MSN: variants seen among roughly 807,000 people sequenced by gnomAD.
MSN encodes moesin.
MSN carries 2 observed loss-of-function variants against 48.0 expected under a neutral mutation model. That is an observed-to-expected ratio of 0.04 (90% CI 0.02 to 0.13). The LOEUF is 0.13. Among genes scored for constraint, MSN ranks in the 10% least tolerant of loss-of-function variants. MSN has a pLI of 1.00. For missense variants in MSN, 267 were observed against 470.1 expected, an observed-to-expected ratio of 0.57 and a Z score of 3.99; for synonymous variants, 146 against 166.9, an observed-to-expected ratio of 0.87 and a Z score of 0.97.
intron 2 of MSN, 127 bp downstream of exon 2, chrX:65,717,028 G>T: frequency 1.7e-6 from 1 of 602,019 alleles, no homozygotes; most frequent in Middle Eastern, 3.3e-4. Context: ...AGATCAAAAT[G>T]AAGGCTGATT....
chrX:65,695,222 C>T (rs555002250), intron 1 of MSN, among the ~76,000 whole-genome samples: 9 of 110,347 alleles, frequency 8.2e-5, no homozygotes, highest in South Asian at 3.9e-4. Flanking sequence ...GTTGTCGGGC[C>T]GGGCGTGTTG....
chrX:65,736,942 C>T lies in MSN; in HGVS notation c.1090+17C>T. 8.3e-7 allele frequency: 1 copy of T among 1,208,006 alleles called. No individual in the cohort carries two copies. The highest frequency in any genetic ancestry group is 1.1e-6 in the Non-Finnish European group (1 of 893,959). On this transcript the variant is annotated intron_variant, in intron 9 of 12. Coordinates refer to ENST00000360270, the MANE Select transcript of MSN (RefSeq NM_002444.3). ...CTCAGCAAGGTGAGGCTTGGAGTCACCTTGGAGATTGGATTTTTCCAGGCC... is the reference window on the plus strand; with the variant it reads ...CTCAGCAAGGTGAGGCTTGGAGTCATCTTGGAGATTGGATTTTTCCAGGCC...
At chrX:65,602,937 GA>G (rs1261413048) in intron 1 of MSN, among the ~76,000 whole-genome samples, 1 of 111,040 alleles carries the variant, frequency 9.0e-6, no homozygotes, top group Non-Finnish European at 1.9e-5. Context: ...AGACCATATA[GA>G]GGAGTCTGAT....
At chrX:65,619,319 A>T (rs2070410087) in intron 1 of MSN, among the ~76,000 whole-genome samples, 1 of 100,779 alleles carries the variant, frequency 9.9e-6, no homozygotes, top group Non-Finnish European at 1.9e-5. Flanking sequence ...ACTTGATTCC[A>T]TTCTCCACAT....
At chrX:65,724,101 A>G (rs1431794226) in intron 2 of MSN, among the ~76,000 whole-genome samples, 1 of 104,378 alleles carries the variant, frequency 9.6e-6, no homozygotes, top group Non-Finnish European at 2.0e-5. Flanking sequence ...GTTACTCTGG[A>G]TCTCAGAACT....
chrX:65,613,697 C>G (rs932585634), intron 1 of MSN, among the ~76,000 whole-genome samples: 1 of 112,079 alleles, frequency 8.9e-6, no homozygotes, highest in Non-Finnish European at 1.9e-5. Context: ...TTCATGTCCT[C>G]TGCTCACTTT....
chrX:65,617,881 C>T (rs2070391400), intron 1 of MSN, among the ~76,000 whole-genome samples: 2 of 110,126 alleles, frequency 1.8e-5, no homozygotes, highest in South Asian at 8.0e-4. Context: ...GCTTTGAATG[C>T]ATCCCAGAGA....
intron 1 of MSN, among the ~76,000 whole-genome samples, chrX:65,613,290 G>A (rs2070337295): frequency 8.7e-6 from 1 of 114,866 alleles, no homozygotes; most frequent in Non-Finnish European, 1.9e-5. Context: ...GGGCATTTGG[G>A]TTGGTTCCAA....
At chrX:65,688,199 A>G (rs1203033516) in intron 1 of MSN, among the ~76,000 whole-genome samples, 2 of 111,830 alleles carry the variant, frequency 1.8e-5, no homozygotes, top group South Asian at 7.5e-4. Context: ...TTTGATATTC[A>G]TCAACTCTCT....
In MSN at chrX:65,696,869, A is replaced by C. The variant is rs180957709; in HGVS notation, c.13-19949A>C. 1.3e-4 allele frequency among the ~76,000 whole-genome samples: 14 copies of C among 111,061 alleles called. No homozygotes were observed. In the East Asian group the frequency reaches 3.7e-3, roughly 29 times the overall value. On this transcript the variant is annotated intron_variant, in intron 1 of 12. Transcript: ENST00000360270. ...GACCAAAACTAATAAGCTGGATGCC[A>C]TGTGGTCTCTTATCTTATCCTTGCC...
At chrX:65,598,517 T>C (rs1441506433) in intron 1 of MSN, among the ~76,000 whole-genome samples, 2 of 111,470 alleles carry the variant, frequency 1.8e-5, no homozygotes, top group African/African-American at 3.3e-5. Context: ...GGCAGCCGCA[T>C]GAGAGAAGTT....
chrX:65,646,719 G>T, intron 1 of MSN, among the ~76,000 whole-genome samples: 1 of 112,091 alleles, frequency 8.9e-6, no homozygotes, highest in South Asian at 3.7e-4. Flanking sequence ...GCCAAGGCGG[G>T]CTGATCACCT....
intron 6 of MSN, 139 bp from the exon 7 acceptor site, chrX:65,733,045 C>T (rs1036482962): frequency 9.0e-6 from 4 of 446,891 alleles, no homozygotes; most frequent in African/African-American, 5.1e-5. Flanking sequence ...AGTGAGACCT[C>T]GTCTCTATTT....
chrX:65,725,796 T>A (rs924789149), intron 2 of MSN, among the ~76,000 whole-genome samples: 1 of 111,904 alleles, frequency 8.9e-6, no homozygotes, highest in Admixed American at 9.5e-5. Flanking sequence ...TTTCTAAACA[T>A]GTTTCTAATT....
At chrX:65,590,587 AG>A (rs1440551437) in intron 1 of MSN, among the ~76,000 whole-genome samples, 1 of 111,426 alleles carries the variant, frequency 9.0e-6, no homozygotes, top group Non-Finnish European at 1.9e-5. Context: ...GCACAATTTG[AG>A]GGCATCCCTC....
chrX:65,588,543 C>G (rs1185150523), exon 1 of MSN: 1 of 807,078 alleles, frequency 1.2e-6, no homozygotes. Flanking sequence ...TCAGCCACCT[C>G]CAGCCCCGCC....
At chrX:65,657,280 A>G (rs1471681336) in intron 1 of MSN, among the ~76,000 whole-genome samples, 1 of 111,547 alleles carries the variant, frequency 9.0e-6, no homozygotes, top group Non-Finnish European at 1.9e-5. Context: ...GCTCGAGGGG[A>G]GAGGAGGGTG....
In MSN at chrX:65,738,968, A is replaced by G. The variant is rs2071708796; in HGVS notation, c.1345-2A>G. ...TCTTTCTCTCCTTCTGTCACTGGACAGGCCCAGATGGTACAGGAAGACTTG... is the reference window on the plus strand; with the variant it reads ...TCTTTCTCTCCTTCTGTCACTGGACGGGCCCAGATGGTACAGGAAGACTTG... On this transcript the variant is annotated splice_acceptor_variant, in intron 11 of 12. Coordinates refer to ENST00000360270, the MANE Select transcript of MSN (RefSeq NM_002444.3). LOFTEE classifies it high-confidence loss of function. 1 of 1,209,271 alleles carries G rather than the reference A, an allele frequency of 8.3e-7. No homozygotes were observed. Among genetic ancestry groups the G allele is most frequent in the African/African-American group, 1.7e-5 (1 of 57,190 alleles).
intron 2 of MSN, among the ~76,000 whole-genome samples, chrX:65,723,142 A>G (rs912002640): frequency 7.2e-5 from 8 of 111,819 alleles, no homozygotes; most frequent in Non-Finnish European, 1.5e-4. Context: ...TAGTGTCTTA[A>G]AAACTGAAGT....
Sources: gnomAD v4.1 joint callset for allele counts (sites outside exome capture counted in the v4.1 genomes callset) on GRCh38, gnomAD v4.1.1 for gene constraint, MANE v1.5 for transcripts, NCBI Gene and HGNC (gene_info 2026-07-23, HGNC 2026-07-21) for gene names.